Variants in MYO1H observed in about 807,000 individuals in gnomAD.
MYO1H encodes the protein myosin IH.
In MYO1H, 118 loss-of-function variants were observed where a neutral mutation model predicts 149.3. The ratio of observed to expected loss-of-function variants is 0.79; its 90% CI spans 0.68 to 0.92. MYO1H has a LOEUF of 0.92. MYO1H is among the 40% of genes least tolerant of loss of function. The probability of loss-of-function intolerance (pLI) is 0.00; values close to 1 mark genes in which losing one functional copy is unlikely to be tolerated. For synonymous variants in MYO1H, 447 were observed against 465.2 expected, an observed-to-expected ratio of 0.96 and a Z score of 0.50; for missense variants, 1,212 against 1,280.7, an observed-to-expected ratio of 0.95 and a Z score of 0.82.
At chr12:109,407,695 C>G in intron 9 of MYO1H, 99 bp from the exon 10 acceptor site, 1 of 1,264,588 alleles carries the variant, frequency 7.9e-7, no homozygotes. Context: ...GAGACCCTGT[C>G]TCATTATTTT....
chr12:109,430,709 T>G (rs1296398814), intron 19 of MYO1H, among the ~76,000 whole-genome samples: 1 of 151,382 alleles, frequency 6.6e-6, no homozygotes, highest in African/African-American at 2.4e-5. Context: ...AGTGATCACC[T>G]GAGGTGAGGA....
intron 20 of MYO1H, 111 bp from the exon 21 acceptor site, chr12:109,434,926 G>T: frequency 3.1e-6 from 2 of 635,888 alleles, no homozygotes; most frequent in South Asian, 2.0e-5. Flanking sequence ...TTCCAAATAA[G>T]ATGGTATTCT....
At chr12:109,350,290 C>T (rs1007985493) in intron 1 of MYO1H, among the ~76,000 whole-genome samples, 7 of 151,976 alleles carry the variant, frequency 4.6e-5, no homozygotes, top group Admixed American at 3.9e-4. Context: ...TGGCTGTGTC[C>T]CCACCCAAAT....
At chr12:109,314,610 T>C in the MYO1H span, among the ~76,000 whole-genome samples, 1 of 152,110 alleles carries the variant, frequency 6.6e-6, no homozygotes, top group African/African-American at 2.4e-5. Context: ...TGGCTGAGTG[T>C]TTCTGGACAA....
At chr12:109,405,990 C>T in exon 8 of MYO1H, 1 of 1,613,840 alleles carries the variant, frequency 6.2e-7, no homozygotes, top group South Asian at 1.1e-5. Flanking sequence ...ACGACCAAGG[C>T]TGTGCCACTA....
At chr12:109,447,041 G>A in intron 31 of MYO1H, 118 bp from the exon 32 acceptor site, 1 of 1,005,022 alleles carries the variant, frequency 1.0e-6, no homozygotes, top group Non-Finnish European at 1.5e-6. Context: ...GGTGGCACTG[G>A]CTTCTCACAG....
At chr12:109,424,300 A>G (rs1871279540) in intron 16 of MYO1H, among the ~76,000 whole-genome samples, 2 of 152,224 alleles carry the variant, frequency 1.3e-5, no homozygotes, top group South Asian at 2.1e-4. Flanking sequence ...AACTGGGACC[A>G]TAGGTGCACA....
At chr12:109,374,468 ATTGT>A (rs1398954112) in intron 1 of MYO1H, among the ~76,000 whole-genome samples, 3 of 152,206 alleles carry the variant, frequency 2.0e-5, no homozygotes, top group Non-Finnish European at 4.4e-5. Flanking sequence ...GTTCTATATA[ATTGT>A]TTGTGGTATG....
the MYO1H span, among the ~76,000 whole-genome samples, chr12:109,310,849 T>G: frequency 6.6e-6 from 1 of 152,354 alleles, no homozygotes; most frequent in East Asian, 1.9e-4. Flanking sequence ...CAGATGTTAG[T>G]TGAGGTCACA....
intron 20 of MYO1H, 57 bp from the exon 21 acceptor site, chr12:109,434,980 A>G: frequency 9.1e-7 from 1 of 1,097,860 alleles, no homozygotes; most frequent in Non-Finnish European, 1.3e-6. Context: ...GCACCGTTCA[A>G]CCCACTAGAT....
intron 1 of MYO1H, among the ~76,000 whole-genome samples, chr12:109,352,642 A>C (rs964023064): frequency 6.6e-6 from 1 of 152,216 alleles, no homozygotes; most frequent in Non-Finnish European, 1.5e-5. Flanking sequence ...AAAAGAAGAA[A>C]TTGTACAGAA....
At chr12:109,362,110 C>T (rs1449020514) in intron 1 of MYO1H, among the ~76,000 whole-genome samples, 1 of 152,230 alleles carries the variant, frequency 6.6e-6, no homozygotes, top group African/African-American at 2.4e-5. Flanking sequence ...ATTTATTGCT[C>T]AGCCACCCAA....
At chr12:109,432,836 T>G in intron 19 of MYO1H, 61 bp from the exon 20 acceptor site, 2 of 1,409,026 alleles carry the variant, frequency 1.4e-6, no homozygotes, top group South Asian at 1.2e-5. Flanking sequence ...GGGCCGGGGA[T>G]GTGGGGGAGG....
intron 15 of MYO1H, among the ~76,000 whole-genome samples, chr12:109,419,289 G>A (rs1592807542): frequency 1.3e-5 from 2 of 152,070 alleles, no homozygotes; most frequent in Non-Finnish European, 1.5e-5. Flanking sequence ...TCCATGTGCC[G>A]GGTGCTAGGC....
chr12:109,355,690 T>G (rs7970666), intron 1 of MYO1H, among the ~76,000 whole-genome samples: 66,940 of 151,536 alleles, frequency 0.44, 15,409 homozygotes, highest in African/African-American at 0.55. Context: ...TGTTTTGTTT[T>G]GTTTGGTTTG....
At chr12:109,328,112 T>A in the MYO1H span, among the ~76,000 whole-genome samples, 1 of 149,732 alleles carries the variant, frequency 6.7e-6, no homozygotes, top group Non-Finnish European at 1.5e-5. Flanking sequence ...AGAATAATCA[T>A]TGGGGATCAT....
chr12:109,376,943 T>C (rs187160858), intron 1 of MYO1H, among the ~76,000 whole-genome samples: 68 of 152,358 alleles, frequency 4.5e-4, no homozygotes, highest in Middle Eastern at 3.4e-3. Flanking sequence ...GTATACCCTT[T>C]TATTGTTCTT....
At chr12:109,353,075 G>A (rs963210923) in intron 1 of MYO1H, among the ~76,000 whole-genome samples, 6 of 151,922 alleles carry the variant, frequency 3.9e-5, no homozygotes, top group African/African-American at 1.5e-4. Flanking sequence ...TATAATCAAG[G>A]GTACTTGCCC....
chr12:109,376,407 G>T (rs975191090), intron 1 of MYO1H, among the ~76,000 whole-genome samples: 4 of 152,142 alleles, frequency 2.6e-5, no homozygotes, highest in African/African-American at 9.7e-5. Context: ...CATCCATGTT[G>T]TAACATGTAT....
Sources: allele counts gnomAD v4.1 joint callset (sites outside exome capture counted in the v4.1 genomes callset), GRCh38; gene constraint gnomAD v4.1.1; transcripts MANE v1.5; gene names NCBI Gene and HGNC (gene_info 2026-07-23, HGNC 2026-07-21).